The following SDK1 variants were observed in gnomAD, a reference collection of about 807,000 sequenced individuals.
SDK1 encodes the protein protein sidekick-1.
Under a neutral mutation model 245.5 loss-of-function variants are expected in SDK1, and 157 were observed. That is an observed-to-expected ratio of 0.64 (90% confidence interval 0.56 to 0.73). The LOEUF is 0.73. Among genes scored for constraint, SDK1 ranks in the 30% least tolerant of loss-of-function variants. SDK1 has a pLI of 0.00. For missense variants in SDK1, 3,583 were observed against 3,002.3 expected (o/e 1.19, Z -4.52); for synonymous variants, 1,647 against 1,278.5 (o/e 1.29, Z -6.15).
chr7:3,792,329 C>A (rs1583418390), intron 4 of SDK1, among the ~76,000 whole-genome samples: 1 of 152,044 alleles, frequency 6.6e-6, no homozygotes, highest in African/African-American at 2.4e-5. Context: ...GCCTTTCCTC[C>A]TCCCTCTTTG....
intron 5 of SDK1, among the ~76,000 whole-genome samples, chr7:3,871,883 G>C (rs1274299708): frequency 6.6e-6 from 1 of 152,108 alleles, no homozygotes; most frequent in Non-Finnish European, 1.5e-5. Context: ...CCTTATTCCT[G>C]ATCTTAAGGG....
intron 1 of SDK1, among the ~76,000 whole-genome samples, chr7:3,444,741 T>G (rs980301495): frequency 2.6e-5 from 4 of 152,212 alleles, no homozygotes; most frequent in Non-Finnish European, 4.4e-5. Flanking sequence ...CTAAATTGGG[T>G]GACCAACTTG....
intron 4 of SDK1, among the ~76,000 whole-genome samples, chr7:3,690,934 C>T (rs1192165817): frequency 1.3e-5 from 2 of 152,186 alleles, no homozygotes; most frequent in East Asian, 3.9e-4. Context: ...TAGGCATTCA[C>T]TGGGCTAATG....
At chr7:3,681,822 AG>A (rs1480928334) in intron 4 of SDK1, among the ~76,000 whole-genome samples, 2 of 152,218 alleles carry the variant, frequency 1.3e-5, no homozygotes, top group Non-Finnish European at 2.9e-5. Context: ...GAATTGGATT[AG>A]AACAAACAGA....
intron 28 of SDK1, among the ~76,000 whole-genome samples, chr7:4,139,649 ATG>A (rs112439179): frequency 0.69 from 64,116 of 93,008 alleles, 26,201 homozygotes; most frequent in East Asian, 0.88. Flanking sequence ...GTGTGTGTAT[ATG>A]TGTGTGTGTA....
At chr7:3,364,847 A>G (rs1372418163) in intron 1 of SDK1, among the ~76,000 whole-genome samples, 1 of 152,180 alleles carries the variant, frequency 6.6e-6, no homozygotes, top group Admixed American at 6.5e-5. Context: ...AATTGCATCA[A>G]ATCTTTGGAA....
intron 1 of SDK1, among the ~76,000 whole-genome samples, chr7:3,326,024 T>C (rs991045107): frequency 2.6e-5 from 4 of 152,180 alleles, no homozygotes; most frequent in African/African-American, 4.8e-5. Flanking sequence ...TGTACCTATC[T>C]ATCCTAATGT....
intron 1 of SDK1, among the ~76,000 whole-genome samples, chr7:3,599,036 T>G (rs1774510414): frequency 6.6e-6 from 1 of 151,984 alleles, no homozygotes; most frequent in African/African-American, 2.4e-5. Context: ...CAGTCTGGTT[T>G]CCAGAGTGTC....
At chr7:3,859,780 C>A (rs576338608) in intron 5 of SDK1, among the ~76,000 whole-genome samples, 1 of 152,196 alleles carries the variant, frequency 6.6e-6, no homozygotes, top group Admixed American at 6.5e-5. Context: ...GTGTCACTCA[C>A]GTCACACTTC....
intron 5 of SDK1, among the ~76,000 whole-genome samples, chr7:3,938,360 C>G (rs1220644553): frequency 2.6e-5 from 4 of 152,064 alleles, no homozygotes; most frequent in Non-Finnish European, 5.9e-5. Flanking sequence ...ATTAGATCCT[C>G]AGCCTGGCAC....
intron 1 of SDK1, among the ~76,000 whole-genome samples, chr7:3,541,363 G>A (rs1046887659): frequency 3.3e-5 from 5 of 152,194 alleles, no homozygotes; most frequent in African/African-American, 9.7e-5. Context: ...ACATGCAGAG[G>A]AGGGCGTAAT....
intron 4 of SDK1, among the ~76,000 whole-genome samples, chr7:3,687,485 T>A (rs1784321070): frequency 1.3e-5 from 2 of 152,206 alleles, no homozygotes; most frequent in African/African-American, 4.8e-5. Context: ...GTCCCTCAGC[T>A]GGTAACAGAT....
intron 19 of SDK1, among the ~76,000 whole-genome samples, chr7:4,054,269 T>A (rs1437552973): frequency 3.9e-5 from 6 of 152,190 alleles, no homozygotes; most frequent in Admixed American, 3.3e-4. Flanking sequence ...ATTGAGAGCA[T>A]TACAGATTCA....
At chr7:4,191,122 C>T (rs1288299278) in intron 35 of SDK1, among the ~76,000 whole-genome samples, 1 of 152,180 alleles carries the variant, frequency 6.6e-6, no homozygotes, top group African/African-American at 2.4e-5. Flanking sequence ...ACTCCTGAGA[C>T]TGGCCCCAGG....
At chr7:3,588,556 G>A (rs1395766088) in intron 1 of SDK1, among the ~76,000 whole-genome samples, 1 of 152,172 alleles carries the variant, frequency 6.6e-6, no homozygotes, top group Non-Finnish European at 1.5e-5. Flanking sequence ...ATCCTGCAGG[G>A]TGCGTTCCTA....
intron 4 of SDK1, among the ~76,000 whole-genome samples, chr7:3,655,450 T>A (rs1783136977): frequency 4.8e-4 from 2 of 4,134 alleles, no homozygotes; most frequent in African/African-American, 1.7e-3. Context: ...ACAAAACAAA[T>A]ATATATATAT....
At chr7:3,522,292 T>C (rs914078631) in intron 1 of SDK1, among the ~76,000 whole-genome samples, 7 of 152,152 alleles carry the variant, frequency 4.6e-5, no homozygotes, top group African/African-American at 1.7e-4. Context: ...TATATGAATA[T>C]AGAGAGAGCT....
intron 1 of SDK1, among the ~76,000 whole-genome samples, chr7:3,477,517 T>C (rs1187575398): frequency 7.3e-6 from 1 of 137,540 alleles, no homozygotes; most frequent in Non-Finnish European, 1.6e-5. Flanking sequence ...TTCTTTTTTC[T>C]TTTTTTTTTT....
At chr7:3,662,240 C>T (rs6974350) in intron 4 of SDK1, among the ~76,000 whole-genome samples, 37,947 of 151,752 alleles carry the variant, frequency 0.25, 5,053 homozygotes, top group Non-Finnish European at 0.3. Context: ...ATGGGTCCTA[C>T]GGGAAAAGTT....
Sources: gnomAD v4.1 joint callset for allele counts (sites outside exome capture counted in the v4.1 genomes callset) on GRCh38, gnomAD v4.1.1 for gene constraint, MANE v1.5 for transcripts, NCBI Gene and HGNC (gene_info 2026-07-23, HGNC 2026-07-21) for gene names.